The following CHM variants were observed in gnomAD, a reference collection of about 807,000 sequenced individuals.
The protein encoded by CHM is rab proteins geranylgeranyltransferase component A 1.
In CHM, 10 loss-of-function variants were observed where a neutral mutation model predicts 49.0. The ratio of observed to expected loss-of-function variants is 0.20; its 90% CI spans 0.13 to 0.35. The LOEUF is 0.35. Ranked by LOEUF, CHM falls within the 10% of genes least tolerant of loss-of-function variation. The pLI is 1.00. For synonymous variants in CHM, 184 were observed against 167.5 expected (o/e 1.10, Z -0.76); for missense variants, 455 against 478.4 (o/e 0.95, Z 0.46).
In CHM at chrX:85,900,913, C is replaced by G. The variant is rs772643967; in HGVS notation, c.1349+171G>C. Among the ~76,000 whole-genome samples, 7 of 111,957 alleles carry G rather than the reference C, an allele frequency of 6.3e-5. No individual in the cohort carries two copies. In the East Asian group the frequency reaches 1.7e-3, roughly 27 times the overall value. On this transcript the variant is annotated intron_variant, in intron 10 of 14. Coordinates refer to ENST00000357749, the MANE Select transcript of CHM (RefSeq NM_000390.4). ...ACCTACAGACAAACCCCAGCTGAAG[C>G]AAAGGAGTTGAAATTATGCTAGGCT...
chrX:85,901,008 G>A, intron 10 of CHM, 76 bp downstream of exon 10: 1 of 696,105 alleles, frequency 1.4e-6, no homozygotes, highest in Non-Finnish European at 2.2e-6. Context: ...TTATTTGCAT[G>A]TTACTTGAAG....
rs371667378 is a variant in CHM at position 85,937,260 on chromosome X, G to A, written c.1166+18893C>T. On this transcript the variant is annotated intron_variant, in intron 8 of 14. Transcript: ENST00000357749. ...CAGCCTGGTGACAGAGTGAGACTCCGTCAAAAAAAAAAAAAAAAAAACAGT... is the reference window on the plus strand; with the variant it reads ...CAGCCTGGTGACAGAGTGAGACTCCATCAAAAAAAAAAAAAAAAAAACAGT... Among the ~76,000 whole-genome samples the A allele has an allele frequency of 2.0e-3, 172 of 86,053 alleles. 1 individual carries two copies. In the East Asian group the frequency reaches 0.042, roughly 21 times the overall value. 74.7% of individuals were successfully genotyped at this position (86,053 alleles called of 115,157 possible). A position where few individuals can be genotyped will look rare whatever the true frequency, so the allele number is the denominator to read the frequency against.
chrX:85,993,848 A>G (rs1353233352), intron 2 of CHM, among the ~76,000 whole-genome samples: 1 of 111,934 alleles, frequency 8.9e-6, no homozygotes, highest in Admixed American at 9.5e-5. Flanking sequence ...GTAAAAAAAG[A>G]CAGAACTACT....
At chrX:85,935,840 C>G (rs928133722) in intron 8 of CHM, among the ~76,000 whole-genome samples, 5 of 111,909 alleles carry the variant, frequency 4.5e-5, no homozygotes, top group Non-Finnish European at 9.4e-5. Flanking sequence ...TGAAGAGATC[C>G]AGAAATAAAA....
rs912390081 is a variant in CHM, at chrX:85,864,829, A to G, written c.1771-8T>C. 3.3e-6 allele frequency: 4 copies of G among 1,198,094 alleles called. No homozygotes were observed. The Admixed American group carries it at 6.7e-5, about 20-fold the overall frequency. On this transcript the variant is annotated splice_polypyrimidine_tract_variant and splice_region_variant and intron_variant, in intron 14 of 14. Transcript: ENST00000357749. The stretch of plus-strand genomic sequence containing the variant: ...CTGGAAAAGTGTTTCAGCCTGGCCA[A>G]GGAAGAAAAGATAAAATCGTTTTTG...
chrX:85,999,411 C>T (rs1382973516), intron 2 of CHM, among the ~76,000 whole-genome samples: 1 of 110,674 alleles, frequency 9.0e-6, no homozygotes, highest in Non-Finnish European at 1.9e-5. Context: ...AAAACTGAAT[C>T]TAAATGAATT....
intron 2 of CHM, among the ~76,000 whole-genome samples, chrX:86,026,097 A>ATTTTTTTT (rs1398285252): frequency 2.0e-4 from 6 of 30,492 alleles, no homozygotes; most frequent in South Asian, 4.7e-3. Context: ...AAGGTAGCAG[A>ATTTTTTTT]TTTTCTTTTT....
chrX:85,893,135 TAA>T (rs1376148952), intron 12 of CHM, among the ~76,000 whole-genome samples: 2 of 111,783 alleles, frequency 1.8e-5, no homozygotes, highest in Admixed American at 1.9e-4. Flanking sequence ...ACTTGGTTAA[TAA>T]ATAGTCTTGT....
At chrX:85,980,246 T>G (rs1275124448) in intron 3 of CHM, among the ~76,000 whole-genome samples, 1 of 111,318 alleles carries the variant, frequency 9.0e-6, no homozygotes. Context: ...TCACATACAC[T>G]TCCCAAAAAT....
intron 13 of CHM, among the ~76,000 whole-genome samples, chrX:85,873,574 T>C (rs192677459): frequency 5.5e-4 from 61 of 111,395 alleles, no homozygotes; most frequent in Admixed American, 3.3e-3. Context: ...TATATACACA[T>C]GAAATATCCA....
rs1178849935 is a variant in CHM at position 85,963,970 on chromosome X, C to T, written c.397G>A (p.Ala133Thr). 15 of 1,207,061 alleles carry T rather than the reference C, an allele frequency of 1.2e-5. No homozygotes were observed. Among genetic ancestry groups the T allele is most frequent in the East Asian group, 3.0e-5 (1 of 33,714 alleles). The change falls in exon 5 of 15, where the codon GCT becomes ACT. Residue 133 changes from alanine to threonine, a missense_variant. Ala to Thr is a moderately conservative substitution (Grantham distance 58). Transcript: ENST00000357749. ...GTAGGCAGGAAGGCAGAATCTGCAG[C>T]TTCTGTGGAGTTTGCAGATGTCACA... ...ALVTSANSTE[A>T]ADSAFLPTED...
intron 13 of CHM, among the ~76,000 whole-genome samples, chrX:85,878,374 G>A (rs201078839): frequency 1.8e-5 from 2 of 110,152 alleles, no homozygotes; most frequent in Non-Finnish European, 3.8e-5. Context: ...CAGCTACTCA[G>A]GAGGCTGAGG....
chrX:86,042,834 T>C (rs190313083), intron 1 of CHM, among the ~76,000 whole-genome samples: 1 of 107,907 alleles, frequency 9.3e-6, no homozygotes, highest in Non-Finnish European at 1.9e-5. Context: ...AAAAAAAAAT[T>C]AAAAAATAAA....
At chrX:85,869,087 C>T (rs1923889034) in intron 14 of CHM, among the ~76,000 whole-genome samples, 4 of 111,393 alleles carry the variant, frequency 3.6e-5, no homozygotes, top group South Asian at 3.7e-4. Context: ...TACCCCTCTC[C>T]GTAAGGTTCT....
intron 8 of CHM, among the ~76,000 whole-genome samples, chrX:85,950,117 C>T (rs1214691311): frequency 9.8e-6 from 1 of 102,146 alleles, no homozygotes. Context: ...ATGAAGCAAA[C>T]ACAAATAATC....
intron 1 of CHM, among the ~76,000 whole-genome samples, chrX:86,033,277 T>C (rs988290247): frequency 8.9e-6 from 1 of 111,894 alleles, no homozygotes; most frequent in African/African-American, 3.2e-5. Context: ...AATAATAGAT[T>C]CCCCTGACAG....
intron 8 of CHM, among the ~76,000 whole-genome samples, chrX:85,915,019 CAAAAAAAT>C (rs1197171176): frequency 1.8e-5 from 2 of 109,002 alleles, no homozygotes; most frequent in Non-Finnish European, 3.8e-5. Flanking sequence ...AACAAACCTT[CAAAAAAAT>C]AAAAAAATAT....
chrX:85,989,306 C>T (rs1932068403), intron 2 of CHM, among the ~76,000 whole-genome samples: 1 of 111,901 alleles, frequency 8.9e-6, no homozygotes, highest in South Asian at 3.7e-4. Context: ...ATGTAGAAGA[C>T]TGTATCTGGA....
chrX:85,872,079 A>C (rs896028821), intron 14 of CHM, among the ~76,000 whole-genome samples: 1 of 111,825 alleles, frequency 8.9e-6, no homozygotes. Context: ...GAAAATACAC[A>C]AGAATTCTAG....
Sources: allele counts gnomAD v4.1 joint callset (sites outside exome capture counted in the v4.1 genomes callset), GRCh38; gene constraint gnomAD v4.1.1; transcripts MANE v1.5; gene names NCBI Gene and HGNC (gene_info 2026-07-23, HGNC 2026-07-21).